The following UBL5 variants were observed in gnomAD, a reference collection of about 807,000 sequenced individuals.
UBL5 encodes the protein ubiquitin like 5.
In UBL5, 13 loss-of-function variants were observed where a neutral mutation model predicts 11.7. That is an observed-to-expected ratio of 1.11 (90% confidence interval 0.73 to 1.77). The LOEUF (loss-of-function observed/expected upper bound fraction) is 1.77. Among genes scored for constraint, UBL5 ranks in the 40% most tolerant of loss-of-function variants. The probability of loss-of-function intolerance (pLI) is 0.00; values close to 1 mark genes in which losing one functional copy is unlikely to be tolerated. For missense variants in UBL5, 58 were observed against 92.3 expected (o/e 0.63, Z 1.52); for synonymous variants, 28 against 34.7 (o/e 0.81, Z 0.68).
intron 4 of UBL5, 200 bp downstream of exon 4, chr19:9,829,074 C>G (rs2046041351): frequency 1.6e-6 from 1 of 616,714 alleles, no homozygotes; most frequent in East Asian, 2.7e-5. Flanking sequence ...ACTTCAAGTT[C>G]AAAATATTTA....
At chr19:9,828,947 G>C in intron 4 of UBL5, 73 bp downstream of exon 4, 1 of 1,451,360 alleles carries the variant, frequency 6.9e-7, no homozygotes, top group South Asian at 1.1e-5. Flanking sequence ...ACTAAAGTCT[G>C]CATGAGCTTA....
chr19:9,830,071 G>C lies in UBL5; in HGVS notation c.*63G>C. 1.3e-6 allele frequency: 2 copies of C among 1,596,116 alleles called. No individual in the cohort carries two copies. The highest frequency in any genetic ancestry group is 1.7e-6 in the Non-Finnish European group (2 of 1,166,136). ...CATCCTCATCCCCCACACTGGGATA[G>C]ATGCTTGTTTGTAAAAACTCACCTT... On this transcript the variant is annotated 3_prime_UTR_variant, in exon 5 of 5. Transcript: ENST00000586895.
intron 1 of UBL5, 63 bp from the exon 2 acceptor site, chr19:9,828,264 G>A: frequency 6.6e-7 from 1 of 1,511,678 alleles, no homozygotes; most frequent in South Asian, 1.1e-5. Flanking sequence ...TGGGGCTTCT[G>A]GGCCTGGGAG....
chr19:9,829,296 T>G (rs2046042647), intron 4 of UBL5: 1 of 178,826 alleles, frequency 5.6e-6, no homozygotes, highest in Non-Finnish European at 1.2e-5. Context: ...CAATTCTGCC[T>G]CAGCTTCCCA....
At chr19:9,829,390 A>G (rs1382264124) in intron 4 of UBL5, 1 of 163,798 alleles carries the variant, frequency 6.1e-6, no homozygotes, top group African/African-American at 2.4e-5. Context: ...CATGTATGCC[A>G]GGCTAGTCTC....
In UBL5 at chr19:9,828,873, C is replaced by G. The variant is rs767282164; in HGVS notation, c.177C>G (p.Asp59Glu). ...TTAAGGACCACGTGTCTCTGGGGGACTGTATCCTTTGTGTGACTTTTTGAG... is the reference window on the plus strand; with the variant it reads ...TTAAGGACCACGTGTCTCTGGGGGAGTGTATCCTTTGTGTGACTTTTTGAG... ...TIFKDHVSLG[D>E]YEIHDGMNLE... is the part of the protein sequence containing the mutation. Residue 59 changes from aspartate (D) to glutamate (E), a missense_variant and splice_region_variant, in exon 4 of 5, where the codon GAC (aspartate) becomes GAG (glutamate). By Grantham distance (45) the Asp-to-Glu change is conservative. Transcript: ENST00000586895. 6.2e-7 allele frequency: 1 copy of G among 1,614,174 alleles called. No homozygotes were observed. Among genetic ancestry groups the G allele is most frequent in the Non-Finnish European group, 8.5e-7 (1 of 1,180,012 alleles).
chr19:9,830,057 C>T lies in UBL5; in HGVS notation c.*49C>T. On this transcript the variant is annotated 3_prime_UTR_variant, in exon 5 of 5. Coordinates refer to ENST00000586895, the MANE Select transcript of UBL5 (RefSeq NM_001048241.3). ...CCGCTTTCCTCTCCCATCCTCATCC[C>T]CCACACTGGGATAGATGCTTGTTTG... 1 of 1,608,422 alleles carries T rather than the reference C, an allele frequency of 6.2e-7. No homozygotes were observed. Among genetic ancestry groups the T allele is most frequent in the Non-Finnish European group, 8.5e-7 (1 of 1,175,432 alleles).
Position 9,828,730 on chromosome 19 carries a change from T to G in UBL5, c.140+55T>G. 3 of 1,613,090 alleles carry G rather than the reference T, an allele frequency of 1.9e-6. No individual in the cohort carries two copies. The East Asian group carries it at 6.7e-5, about 36-fold the overall frequency. On this transcript the variant is annotated intron_variant, in intron 3 of 4. Transcript: ENST00000586895. ...ACTGGACTAGGCCGGAAGGTTTTGG[T>G]TGGGGGAGCGCTGCAGGCAGCCCTT...
At position 9,828,552 on chromosome 19, in the gene UBL5, G is replaced by T. The variant is rs765754657; in HGVS notation, c.57-40G>T. ...TCTGCCCTAGAATGTCCTCTTCCTC[G>T]TTCTACCGCTTCCATTTGCCTTAAC... On this transcript the variant is annotated intron_variant, in intron 2 of 4. Transcript: ENST00000586895. 17 of 1,613,526 alleles carry T rather than the reference G, an allele frequency of 1.1e-5. No homozygotes were observed. In the African/African-American group the frequency reaches 1.7e-4, roughly 16 times the overall value.
chr19:9,829,925 C>T (rs370281751), intron 4 of UBL5, 40 bp from the exon 5 acceptor site: 20 of 1,612,818 alleles, frequency 1.2e-5, no homozygotes, highest in South Asian at 4.4e-5. Context: ...GGGGTGGGGA[C>T]GGAAGTCAGA....
chr19:9,830,093 C>G lies in UBL5; in HGVS notation c.*85C>G. On this transcript the variant is annotated 3_prime_UTR_variant, in exon 5 of 5. Coordinates refer to ENST00000586895, the MANE Select transcript of UBL5 (RefSeq NM_001048241.3). The stretch of plus-strand genomic sequence containing the variant: ...ATAGATGCTTGTTTGTAAAAACTCA[C>G]CTTAATAAAGACTTAGATGTTGCTT... 6.4e-7 allele frequency: 1 copy of G among 1,555,932 alleles called. No individual in the cohort carries two copies. The highest frequency in any genetic ancestry group is 8.8e-7 in the Non-Finnish European group (1 of 1,132,318).
At chr19:9,828,749 A>C in intron 3 of UBL5, 74 bp downstream of exon 3, 1 of 1,611,626 alleles carries the variant, frequency 6.2e-7, no homozygotes, top group South Asian at 1.1e-5. Context: ...CGCTGCAGGC[A>C]GCCCTTTGCT....
intron 1 of UBL5, 59 bp downstream of exon 1, chr19:9,828,043 C>G: frequency 5.8e-6 from 3 of 520,684 alleles, no homozygotes; most frequent in Non-Finnish European, 1.0e-5. Flanking sequence ...CCCAGCCACC[C>G]AGGGTCTGGG....
intron 1 of UBL5, 95 bp downstream of exon 1, chr19:9,828,079 T>G: frequency 1.4e-5 from 8 of 554,764 alleles, no homozygotes; most frequent in South Asian, 6.6e-5. Flanking sequence ...GGCCAGGGAG[T>G]TTTGTGGCAG....
chr19:9,830,097 A>G lies in UBL5; in HGVS notation c.*89A>G, dbSNP rs1246204397. On this transcript the variant is annotated 3_prime_UTR_variant, in exon 5 of 5. Coordinates refer to ENST00000586895, the MANE Select transcript of UBL5 (RefSeq NM_001048241.3). ...ATGCTTGTTTGTAAAAACTCACCTT[A>G]ATAAAGACTTAGATGTTGCTTTGTT... The G allele has an allele frequency of 1.3e-6, 2 of 1,535,684 alleles. No individual in the cohort carries two copies. The highest frequency in any genetic ancestry group is 1.8e-6 in the Non-Finnish European group (2 of 1,114,678).
At chr19:9,829,076 A>C in intron 4 of UBL5, 1 of 615,144 alleles carries the variant, frequency 1.6e-6, no homozygotes, top group Non-Finnish European at 2.9e-6. Flanking sequence ...TTCAAGTTCA[A>C]AATATTTATT....
intron 4 of UBL5, 166 bp from the exon 5 acceptor site, chr19:9,829,799 A>C (rs1425571749): frequency 1.0e-5 from 7 of 689,454 alleles, no homozygotes; most frequent in Non-Finnish European, 1.7e-5. Flanking sequence ...ACCCAGCCAG[A>C]AATTCTTTTG....
At chr19:9,829,147 A>G (rs1441482380) in intron 4 of UBL5, 5 of 488,226 alleles carry the variant, frequency 1.0e-5, no homozygotes, top group Admixed American at 3.5e-5. Flanking sequence ...AGGCATATCT[A>G]TTGTGCAAAA....
chr19:9,828,695 C>T lies in UBL5; in HGVS notation c.140+20C>T, dbSNP rs752213583. The T allele has an allele frequency of 6.2e-7, 1 of 1,614,130 alleles. No homozygotes were observed. Among genetic ancestry groups the T allele is most frequent in the East Asian group, 2.2e-5 (1 of 44,882 alleles). ...GAAGTGGTGAGTGCAGCGGTAGAGC[C>T]ACTGGGTGGACTGGACTAGGCCGGA... On this transcript the variant is annotated intron_variant, in intron 3 of 4. Transcript: ENST00000586895.
Sources: allele counts gnomAD v4.1 joint callset, GRCh38; gene constraint gnomAD v4.1.1; transcripts MANE v1.5; gene names NCBI Gene and HGNC (gene_info 2026-07-23, HGNC 2026-07-21).